Variants in CTDSP2 observed in about 807,000 individuals in gnomAD.
CTDSP2 encodes CTD small phosphatase 2.
A neutral mutation model predicts 31.6 loss-of-function variants in CTDSP2; 9 were observed. The ratio of observed to expected loss-of-function variants is 0.28; its 90% CI spans 0.17 to 0.50. The LOEUF is 0.50. Ranked by LOEUF, CTDSP2 falls within the 20% of genes least tolerant of loss-of-function variation. The pLI is 0.98. For missense variants in CTDSP2, 267 were observed against 348.5 expected (o/e 0.77, Z 1.86); for synonymous variants, 134 against 134.5 (o/e 1.00, Z 0.03).
intron 1 of CTDSP2, among the ~76,000 whole-genome samples, chr12:57,839,478 G>A (rs768559861): frequency 6.6e-6 from 1 of 152,180 alleles, no homozygotes; most frequent in Non-Finnish European, 1.5e-5. Context: ...CAGCACTTTG[G>A]GAGGCCAAGG....
At chr12:57,845,113 C>A (rs1956306323) in intron 1 of CTDSP2, among the ~76,000 whole-genome samples, 1 of 152,188 alleles carries the variant, frequency 6.6e-6, no homozygotes, top group Non-Finnish European at 1.5e-5. Flanking sequence ...AGGCTCTAGG[C>A]CTCAGTGTGT....
At chr12:57,837,550 G>GTA (rs1309856181) in intron 1 of CTDSP2, among the ~76,000 whole-genome samples, 2 of 152,050 alleles carry the variant, frequency 1.3e-5, no homozygotes, top group Admixed American at 6.6e-5. Context: ...AATTAGCAGG[G>GTA]TATGGTAGTG....
chr12:57,843,396 C>G (rs1233928540), intron 1 of CTDSP2, among the ~76,000 whole-genome samples: 1 of 152,158 alleles, frequency 6.6e-6, no homozygotes, highest in Non-Finnish European at 1.5e-5. Flanking sequence ...ACCCATCTGT[C>G]TGGGAAGATG....
intron 1 of CTDSP2, among the ~76,000 whole-genome samples, chr12:57,833,200 C>G (rs574582749): frequency 1.3e-5 from 2 of 152,336 alleles, no homozygotes; most frequent in African/African-American, 4.8e-5. Flanking sequence ...AAAGGGGCAG[C>G]TGGCTGGGGG....
intron 3 of CTDSP2, 119 bp from the exon 4 acceptor site, chr12:57,827,216 C>T (rs1956188523): frequency 1.4e-6 from 1 of 727,228 alleles, no homozygotes; most frequent in Non-Finnish European, 2.4e-6. Context: ...CCAGGATAGG[C>T]ACCACTTAAA....
intron 5 of CTDSP2, among the ~76,000 whole-genome samples, chr12:57,825,237 C>G (rs1446519322): frequency 1.3e-5 from 2 of 152,148 alleles, no homozygotes; most frequent in Non-Finnish European, 2.9e-5. Flanking sequence ...TAGGCCTGAA[C>G]TGGCCACCAA....
rs1284126301 is a variant in CTDSP2, at chr12:57,823,973, C to T, written c.621G>A (p.Gly207=). Reference sequence around the variant, plus strand: ...GGATGAGGGTCTTTCTCAGGTCCCTCCCCAGGCGGCTGAGGTCCTTGACGT... The same window carrying T: ...GGATGAGGGTCTTTCTCAGGTCCCTTCCCAGGCGGCTGAGGTCCTTGACGT... The part of the protein sequence containing the change: ...GCYVKDLSRL[G]RDLRKTLILD... Residue 207 remains glycine, a synonymous_variant, in exon 7 of 8, where the codon GGG becomes GGA. Coordinates refer to ENST00000398073, the MANE Select transcript of CTDSP2 (RefSeq NM_005730.4). The T allele has an allele frequency of 3.1e-6, 5 of 1,614,128 alleles. No homozygotes were observed. The East Asian group carries it at 6.7e-5, about 22-fold the overall frequency.
intron 1 of CTDSP2, among the ~76,000 whole-genome samples, chr12:57,832,784 T>G (rs1436684161): frequency 1.5e-5 from 1 of 65,456 alleles, no homozygotes; most frequent in Non-Finnish European, 2.8e-5. Flanking sequence ...AGAGCGAGAC[T>G]CTGGCTAAAA....
rs796424110 is a variant in CTDSP2 at position 57,846,570 on chromosome 12, C to T, written c.-135G>A. The T allele has an allele frequency of 2.0e-5, 14 of 683,580 alleles. No individual in the cohort carries two copies. Among genetic ancestry groups the T allele is most frequent in the East Asian group, 1.0e-4 (3 of 28,944 alleles). The allele number at this position is 683,580 out of a possible 1,614,324, so 42.3% of individuals were successfully genotyped here. On this transcript the variant is annotated 5_prime_UTR_variant, in exon 1 of 8. Transcript: ENST00000398073. ...ACTTCCACAGCTGTTCACATCCCCC[C>T]TCTCGTTTCCTCCCCGGACCGGGAA...
chr12:57,828,353 A>C (rs775971287), intron 2 of CTDSP2, among the ~76,000 whole-genome samples: 6 of 150,168 alleles, frequency 4.0e-5, no homozygotes, highest in Non-Finnish European at 8.9e-5. Flanking sequence ...CGGGAGGCGG[A>C]GGTTGCGGTG....
chr12:57,833,880 G>A (rs1231123912), intron 1 of CTDSP2, among the ~76,000 whole-genome samples: 1 of 152,350 alleles, frequency 6.6e-6, no homozygotes, highest in Middle Eastern at 3.4e-3. Flanking sequence ...GGATGTGCCA[G>A]GTCTGCGTTA....
intron 1 of CTDSP2, among the ~76,000 whole-genome samples, chr12:57,833,034 G>A (rs1004331810): frequency 6.6e-6 from 1 of 152,124 alleles, no homozygotes; most frequent in Non-Finnish European, 1.5e-5. Context: ...GTTTCTTCAT[G>A]CAGAACCACA....
chr12:57,843,888 T>C (rs1956297076), intron 1 of CTDSP2, among the ~76,000 whole-genome samples: 1 of 152,174 alleles, frequency 6.6e-6, no homozygotes, highest in Admixed American at 6.5e-5. Context: ...CTGTCTTCTC[T>C]GGAATGCAAT....
chr12:57,841,698 C>T (rs1275719476), intron 1 of CTDSP2, among the ~76,000 whole-genome samples: 1 of 152,132 alleles, frequency 6.6e-6, no homozygotes, highest in Non-Finnish European at 1.5e-5. Context: ...AATCAGTGTC[C>T]CCTCTGACCC....
rs574042509 is a variant in CTDSP2 at position 57,821,830 on chromosome 12, C to T, written c.*1772G>A. ...ATGATTCCAAAGAGAAAGACAAGGC[C>T]TTATAACCTTGGGACAAGAAGGGAA... On this transcript the variant is annotated 3_prime_UTR_variant, in exon 8 of 8. Transcript: ENST00000398073. 6.6e-6 allele frequency: 1 copy of T among 152,338 alleles called. No individual in the cohort carries two copies. The highest frequency in any genetic ancestry group is 2.1e-4 in the South Asian group (1 of 4,830). 9.4% of individuals were successfully genotyped at this position (152,338 alleles called of 1,614,324 possible).
At chr12:57,827,132 C>T in intron 3 of CTDSP2, 35 bp from the exon 4 acceptor site, 2 of 1,462,018 alleles carry the variant, frequency 1.4e-6, no homozygotes, top group Non-Finnish European at 1.9e-6. Context: ...ATCTGCCTAC[C>T]AAGAAAGCCC....
Position 57,827,068 on chromosome 12 carries a change from C to T in CTDSP2, c.282G>A (p.Val94=). 6.2e-7 allele frequency: 1 copy of T among 1,613,790 alleles called. No homozygotes were observed. The highest frequency in any genetic ancestry group is 8.5e-7 in the Non-Finnish European group (1 of 1,179,938). ...QIPGTCLLPE[V]TEEDQGRICV... Reference sequence around the variant, plus strand: ...AGATCCTTCCTTGATCTTCCTCTGTCACCTCTGGGAGCAGGCAGGTCCCTG... The same window carrying T: ...AGATCCTTCCTTGATCTTCCTCTGTTACCTCTGGGAGCAGGCAGGTCCCTG... Residue 94 remains valine (V), a synonymous_variant, in exon 4 of 8, where the codon GTG becomes GTA. Coordinates refer to ENST00000398073, the MANE Select transcript of CTDSP2 (RefSeq NM_005730.4).
intron 1 of CTDSP2, among the ~76,000 whole-genome samples, chr12:57,843,514 G>C (rs1411647416): frequency 6.6e-6 from 1 of 150,406 alleles, no homozygotes; most frequent in Admixed American, 6.6e-5. Context: ...TTAAACCTCA[G>C]AGAACAGAAT....
rs1234507046 is a variant in CTDSP2, at chr12:57,819,983, A to G, written c.*3619T>C. The G allele has an allele frequency of 6.5e-6, 1 of 152,690 alleles. No individual in the cohort carries two copies. The highest frequency in any genetic ancestry group is 1.5e-5 in the Non-Finnish European group (1 of 68,052). 9.5% of individuals were successfully genotyped at this position (152,690 alleles called of 1,614,324 possible). ...TTAATTAATTGTAAGTAATACAAAT[A>G]TTCCAAAAATATAAACAGACACTTA... On this transcript the variant is annotated 3_prime_UTR_variant, in exon 8 of 8. Coordinates refer to ENST00000398073, the MANE Select transcript of CTDSP2 (RefSeq NM_005730.4).
Sources: allele counts gnomAD v4.1 joint callset (sites outside exome capture counted in the v4.1 genomes callset), GRCh38; gene constraint gnomAD v4.1.1; transcripts MANE v1.5; gene names NCBI Gene and HGNC (gene_info 2026-07-23, HGNC 2026-07-21).